HIBADH: variants seen among roughly 807,000 people sequenced by gnomAD.
The protein encoded by HIBADH is 3-hydroxyisobutyrate dehydrogenase, mitochondrial.
A neutral mutation model predicts 36.1 loss-of-function variants in HIBADH; 25 were observed. The ratio of observed to expected loss-of-function variants is 0.69; its 90% CI spans 0.50 to 0.97. The LOEUF (loss-of-function observed/expected upper bound fraction) is 0.97, where lower values mean the gene tolerates loss of function less well. Ranked by LOEUF, HIBADH falls within the 50% of genes least tolerant of loss-of-function variation. The pLI is 0.00. For missense variants in HIBADH, 421 were observed against 418.0 expected (o/e 1.01, Z -0.06); for synonymous variants, 160 against 149.5 (o/e 1.07, Z -0.51).
At chr7:27,630,244 C>T (rs1562651637) in intron 3 of HIBADH, among the ~76,000 whole-genome samples, 1 of 152,110 alleles carries the variant, frequency 6.6e-6, no homozygotes, top group African/African-American at 2.4e-5. Flanking sequence ...AAGACAGAGT[C>T]TCCCACCTCA....
At chr7:27,601,530 T>C (rs1785130838) in intron 4 of HIBADH, among the ~76,000 whole-genome samples, 1 of 152,076 alleles carries the variant, frequency 6.6e-6, no homozygotes, top group South Asian at 2.1e-4. Context: ...AAATTCTCAT[T>C]GATATTTTGT....
intron 5 of HIBADH, among the ~76,000 whole-genome samples, chr7:27,538,763 G>C (rs1445718310): frequency 6.6e-6 from 1 of 152,026 alleles, no homozygotes; most frequent in Non-Finnish European, 1.5e-5. Context: ...GTATGAAAAG[G>C]CAACAAAAAC....
At chr7:27,611,046 G>A (rs1282191145) in intron 4 of HIBADH, among the ~76,000 whole-genome samples, 1 of 152,132 alleles carries the variant, frequency 6.6e-6, no homozygotes, top group Non-Finnish European at 1.5e-5. Flanking sequence ...TTCTAAGAAT[G>A]CCTCAAACAA....
At chr7:27,588,615 GCCA>G (rs1233717622) in intron 4 of HIBADH, among the ~76,000 whole-genome samples, 1 of 152,178 alleles carries the variant, frequency 6.6e-6, no homozygotes, top group Non-Finnish European at 1.5e-5. Flanking sequence ...ACAGGGATGA[GCCA>G]CCACACCTGG....
At chr7:27,564,986 C>A (rs1228799993) in intron 4 of HIBADH, among the ~76,000 whole-genome samples, 1 of 152,102 alleles carries the variant, frequency 6.6e-6, no homozygotes, top group Non-Finnish European at 1.5e-5. Context: ...GGAGAGACTA[C>A]CCCTCCCAGG....
intron 4 of HIBADH, among the ~76,000 whole-genome samples, chr7:27,576,266 G>A (rs1583577753): frequency 1.3e-5 from 2 of 152,266 alleles, no homozygotes; most frequent in South Asian, 4.1e-4. Context: ...GGATGTGGAG[G>A]CGGTAACAAG....
At chr7:27,549,345 T>C (rs1317442437) in intron 4 of HIBADH, among the ~76,000 whole-genome samples, 1 of 152,198 alleles carries the variant, frequency 6.6e-6, no homozygotes, top group Non-Finnish European at 1.5e-5. Context: ...CCACAATATT[T>C]ACATCTTTCA....
At chr7:27,607,914 T>G (rs1785258600) in intron 4 of HIBADH, among the ~76,000 whole-genome samples, 1 of 152,220 alleles carries the variant, frequency 6.6e-6, no homozygotes, top group Admixed American at 6.5e-5. Flanking sequence ...GTTTCTATTC[T>G]TTTAATATAT....
Position 27,588,950 on chromosome 7 carries a change from C to T in HIBADH, c.484+40421G>A, listed in dbSNP as rs542433921. On this transcript the variant is annotated intron_variant, in intron 4 of 7. Coordinates refer to ENST00000265395, the MANE Select transcript of HIBADH (RefSeq NM_152740.4). ...AGTATCTCTTATGTTTTGAGAGACC[C>T]GACCACAGTTTTTTTAAATTATACT... Among the ~76,000 whole-genome samples, 16 of 152,122 alleles carry T rather than the reference C, an allele frequency of 1.1e-4. No individual in the cohort carries two copies. In the South Asian group the frequency reaches 1.7e-3, roughly 16 times the overall value.
chr7:27,637,307 G>T (rs148288047), intron 2 of HIBADH, among the ~76,000 whole-genome samples: 2 of 152,106 alleles, frequency 1.3e-5, no homozygotes, highest in African/African-American at 2.4e-5. Context: ...TGGTTCCGGG[G>T]TTTATATTTT....
intron 4 of HIBADH, among the ~76,000 whole-genome samples, chr7:27,626,405 T>C (rs1394503702): frequency 6.6e-6 from 1 of 152,216 alleles, no homozygotes; most frequent in Non-Finnish European, 1.5e-5. Flanking sequence ...CATAACAGTT[T>C]AAGCATTACT....
intron 4 of HIBADH, among the ~76,000 whole-genome samples, chr7:27,613,157 A>ATATATT (rs1491188772): frequency 5.8e-4 from 5 of 8,686 alleles, no homozygotes; most frequent in Non-Finnish European, 8.4e-4. Flanking sequence ...TTTTATATAA[A>ATATATT]TATATATATT....
At chr7:27,610,451 T>C (rs1482197784) in intron 4 of HIBADH, among the ~76,000 whole-genome samples, 3 of 152,216 alleles carry the variant, frequency 2.0e-5, no homozygotes, top group African/African-American at 4.8e-5. Flanking sequence ...TTTTTAATAC[T>C]CAACACGATA....
intron 5 of HIBADH, 126 bp from the exon 6 acceptor site, chr7:27,538,543 G>C: frequency 1.3e-6 from 1 of 768,264 alleles, no homozygotes. Flanking sequence ...TGATTTTCTC[G>C]AGTGCGGAAG....
intron 1 of HIBADH, among the ~76,000 whole-genome samples, chr7:27,650,221 G>A (rs545089066): frequency 2.0e-5 from 3 of 150,832 alleles, no homozygotes; most frequent in African/African-American, 7.3e-5. Context: ...CTTCAAGAAT[G>A]GAAAAACTTT....
chr7:27,547,023 C>T (rs954441063), intron 4 of HIBADH, among the ~76,000 whole-genome samples: 16 of 152,168 alleles, frequency 1.1e-4, no homozygotes, highest in African/African-American at 3.9e-4. Flanking sequence ...GTTCCCTATT[C>T]CCAACCCTCC....
intron 6 of HIBADH, 49 bp from the exon 7 acceptor site, chr7:27,531,397 C>T (rs761011971): frequency 2.3e-5 from 35 of 1,517,616 alleles, no homozygotes; most frequent in South Asian, 3.7e-5. Flanking sequence ...ATGTACACGT[C>T]GTGCGTGACT....
chr7:27,661,686 GGTT>G (rs1255916479), intron 1 of HIBADH, among the ~76,000 whole-genome samples: 1 of 151,186 alleles, frequency 6.6e-6, no homozygotes, highest in African/African-American at 2.4e-5. Context: ...TTAATGCCAA[GGTT>G]TTTTTTGTTA....
At chr7:27,530,468 A>G (rs577225885) in intron 7 of HIBADH, among the ~76,000 whole-genome samples, 1 of 152,096 alleles carries the variant, frequency 6.6e-6, no homozygotes, top group East Asian at 1.9e-4. Context: ...CGGCCTCCCA[A>G]AATGCTGGGA....
Sources: gnomAD v4.1 joint callset for allele counts (sites outside exome capture counted in the v4.1 genomes callset) on GRCh38, gnomAD v4.1.1 for gene constraint, MANE v1.5 for transcripts, NCBI Gene and HGNC (gene_info 2026-07-23, HGNC 2026-07-21) for gene names.